The following NCAPD2 variants were observed in gnomAD, a reference collection of about 807,000 sequenced individuals.
The protein encoded by NCAPD2 is non-SMC condensin I complex subunit D2, also known as condensin complex subunit 1.
NCAPD2 carries 100 observed loss-of-function variants against 164.5 expected under a neutral mutation model. The ratio of observed to expected loss-of-function variants is 0.61; its 90% CI spans 0.52 to 0.72. The LOEUF is 0.72. NCAPD2 is among the 30% of genes least tolerant of loss of function. The probability of loss-of-function intolerance (pLI) is 0.00; values close to 1 mark genes in which losing one functional copy is unlikely to be tolerated. For synonymous variants in NCAPD2, 585 were observed against 642.6 expected (o/e 0.91, Z 1.36); for missense variants, 1,560 against 1,749.2 (o/e 0.89, Z 1.93).
Position 6,514,365 on chromosome 12 carries a change from G to A in NCAPD2, c.688G>A (p.Ala230Thr). Residue 230 changes from alanine (A) to threonine (T), a missense_variant, in exon 7 of 32, where the codon GCC becomes ACC. Transcript: ENST00000315579. ...AGCCATAACACACCTGCTTGGTGTA[G>A]CCTTGACCCGTTATAACCATATGCT... ...REAITHLLGV[A>T]LTRYNHMLSA... is the part of the protein sequence containing the mutation. 6.2e-7 allele frequency: 1 copy of A among 1,614,190 alleles called. No homozygotes were observed. Among genetic ancestry groups the A allele is most frequent in the Non-Finnish European group, 8.5e-7 (1 of 1,180,034 alleles).
intron 2 of NCAPD2, among the ~76,000 whole-genome samples, chr12:6,504,216 T>TATATATACACAC (rs1406807438): frequency 2.2e-4 from 5 of 23,220 alleles, no homozygotes; most frequent in Non-Finnish European, 3.9e-4. Flanking sequence ...TATATATATA[T>TATATATACACAC]AGATATAGAT....
rs773677382 is a variant in NCAPD2 at position 6,529,596 on chromosome 12, A to G, written c.3653+3A>G. 4.3e-6 allele frequency: 7 copies of G among 1,614,030 alleles called. No individual in the cohort carries two copies. The highest frequency in any genetic ancestry group is 2.2e-5 in the East Asian group (1 of 44,900). On this transcript the variant is annotated splice_donor_region_variant and intron_variant, in intron 28 of 31. Transcript: ENST00000315579. ...TGTCAGCGGTTCCGCACATCCCGGT[A>G]TGCTGCCCTCCCTGAGGGTTCTTTG...
chr12:6,524,648 C>CAAAAAAA (rs35443041), intron 17 of NCAPD2, among the ~76,000 whole-genome samples: 1 of 66,580 alleles, frequency 1.5e-5, no homozygotes. Context: ...GACTCTGTCT[C>CAAAAAAA]AAAAAAAAAA....
intron 2 of NCAPD2, among the ~76,000 whole-genome samples, chr12:6,509,074 CTT>C (rs57728406): frequency 0.011 from 1,592 of 143,818 alleles, 29 homozygotes; most frequent in African/African-American, 0.037. Context: ...ATAGGATAAA[CTT>C]TTTTTTTTTT....
rs577139305 is a variant in NCAPD2 at position 6,522,878 on chromosome 12, C to T, written c.2005C>T (p.Pro669Ser). 8.1e-6 allele frequency: 13 copies of T among 1,614,076 alleles called. No homozygotes were observed. The highest frequency in any genetic ancestry group is 6.6e-5 in the South Asian group (6 of 91,076). ...FFVMVFQFGVPQALFGVRRML... is the reference protein window; with the variant it reads ...FFVMVFQFGVSQALFGVRRML... Reference sequence around the variant, plus strand: ...TGTGATGGTCTTCCAATTTGGGGTACCCCAGGCCCTGTTTGGGGTGCGCCG... The same window carrying T: ...TGTGATGGTCTTCCAATTTGGGGTATCCCAGGCCCTGTTTGGGGTGCGCCG... The change falls in exon 16 of 32, where the codon CCC becomes TCC. Residue 669 changes from proline to serine, a missense_variant. Coordinates refer to ENST00000315579, the MANE Select transcript of NCAPD2 (RefSeq NM_014865.4).
intron 9 of NCAPD2, 144 bp downstream of exon 9, chr12:6,515,064 A>G (rs1469922952): frequency 1.1e-6 from 1 of 894,662 alleles, no homozygotes; most frequent in Non-Finnish European, 1.7e-6. Flanking sequence ...GTAGAGAAGC[A>G]GGTCAAGTTT....
At chr12:6,507,466 G>A (rs1946108653) in intron 2 of NCAPD2, among the ~76,000 whole-genome samples, 1 of 152,258 alleles carries the variant, frequency 6.6e-6, no homozygotes, top group African/African-American at 2.4e-5. Flanking sequence ...GCCAGTCGCC[G>A]TGAAAGCACA....
rs1442907794 is a variant in NCAPD2 at position 6,514,373 on chromosome 12, C to T, written c.696C>T (p.Thr232=). 6.2e-7 allele frequency: 1 copy of T among 1,614,166 alleles called. No individual in the cohort carries two copies. The highest frequency in any genetic ancestry group is 1.1e-5 in the South Asian group (1 of 91,082). Residue 232 remains threonine, a synonymous_variant, in exon 7 of 32, where the codon ACC becomes ACT. Coordinates refer to ENST00000315579, the MANE Select transcript of NCAPD2 (RefSeq NM_014865.4). ...AITHLLGVAL[T]RYNHMLSATV... is the part of the protein sequence containing the mutation. ...CACACCTGCTTGGTGTAGCCTTGAC[C>T]CGTTATAACCATATGCTCAGTAAGT...
chr12:6,513,715 C>CTTTTTTTTTGTTTTTTTTTTTTTTTTT (rs1946172182), intron 6 of NCAPD2, among the ~76,000 whole-genome samples: 3 of 74,890 alleles, frequency 4.0e-5, no homozygotes, highest in Admixed American at 1.6e-4. Flanking sequence ...GTGACTTTGT[C>CTTTTTTTTTGTTTTTTTTTTTTTTTTT]TTTTTTTTTT....
chr12:6,499,638 C>T (rs1055541763), intron 2 of NCAPD2, among the ~76,000 whole-genome samples: 1 of 152,068 alleles, frequency 6.6e-6, no homozygotes, highest in African/African-American at 2.4e-5. Flanking sequence ...GTGATCTGCC[C>T]AACTTGGCCT....
chr12:6,508,372 A>G (rs1312213379), intron 2 of NCAPD2, among the ~76,000 whole-genome samples: 1 of 152,196 alleles, frequency 6.6e-6, no homozygotes, highest in Non-Finnish European at 1.5e-5. Flanking sequence ...TTCAAAGGAC[A>G]CAGGCCAAGT....
rs1270173710 is a variant in NCAPD2 at position 6,510,824 on chromosome 12, T to C, written c.444+14T>C. On this transcript the variant is annotated intron_variant, in intron 5 of 31. Coordinates refer to ENST00000315579, the MANE Select transcript of NCAPD2 (RefSeq NM_014865.4). ...CTTGGTGGGAAGGTAATTTGGAGTT[T>C]TGGGCTCACGTTATATGGGGTCTGG... 1.9e-6 allele frequency: 3 copies of C among 1,613,688 alleles called. No individual in the cohort carries two copies. The highest frequency in any genetic ancestry group is 2.2e-5 in the East Asian group (1 of 44,878).
In NCAPD2 at chr12:6,527,996, A is replaced by T; in HGVS notation, c.3048A>T (p.Pro1016=). 1 of 1,614,036 alleles carries T rather than the reference A, an allele frequency of 6.2e-7. No individual in the cohort carries two copies. The highest frequency in any genetic ancestry group is 1.1e-5 in the South Asian group (1 of 91,078). The stretch of plus-strand genomic sequence containing the variant: ...AACAGACACTGGCTGCCTTTGTTCC[A>T]CTCTTGCTTAAAGTCTGTAACAACC... ...DGKQTLAAFV[P]LLLKVCNNPG... The change falls in exon 24 of 32, where the codon CCA becomes CCT. Residue 1016 remains proline (P), a synonymous_variant. Coordinates refer to ENST00000315579, the MANE Select transcript of NCAPD2 (RefSeq NM_014865.4).
chr12:6,525,302 T>C (rs1946305732), intron 17 of NCAPD2, among the ~76,000 whole-genome samples: 1 of 152,144 alleles, frequency 6.6e-6, no homozygotes, highest in Non-Finnish European at 1.5e-5. Context: ...GAAAACCTGT[T>C]AGAAATCTCC....
Position 6,526,310 on chromosome 12 carries a change from C to A in NCAPD2, c.2505C>A (p.Pro835=). 1 of 1,614,182 alleles carries A rather than the reference C, an allele frequency of 6.2e-7. No individual in the cohort carries two copies. Among genetic ancestry groups the A allele is most frequent in the Non-Finnish European group, 8.5e-7 (1 of 1,180,048 alleles). The stretch of plus-strand genomic sequence containing the variant: ...AGCCTTCTCTGGGCAAACGTCACCC[C>A]CCCTTCCGGCTGCCTCAGGAACACA... ...RRKPSLGKRH[P]PFRLPQEHRL... is the part of the protein sequence containing the mutation. The change falls in exon 20 of 32, where the codon CCC becomes CCA. Residue 835 remains proline (P), a synonymous_variant. Coordinates refer to ENST00000315579, the MANE Select transcript of NCAPD2 (RefSeq NM_014865.4).
rs1424467625 is a variant in NCAPD2 at position 6,531,328 on chromosome 12, T to A, written c.4122T>A (p.Asp1374Glu). 3.1e-6 allele frequency: 5 copies of A among 1,612,774 alleles called. No individual in the cohort carries two copies. The South Asian group carries it at 5.5e-5, about 18-fold the overall frequency. The part of the protein sequence containing the change: ...VFSSDESSEE[D>E]LSAEMTEDET... ...TTATTCCTTTAATTCTTTGCATAGA[T>A]CTTTCAGCAGAGATGACAGAAGACG... Residue 1374 changes from aspartate (D) to glutamate (E), a missense_variant and splice_region_variant, in exon 32 of 32, where the codon GAT becomes GAA. Asp to Glu is a conservative substitution (Grantham distance 45, BLOSUM62 2). Transcript: ENST00000315579. The surrounding 1 kb of genome is among the most constrained non-coding windows in gnomAD (Gnocchi z 4.1).
chr12:6,522,254 C>T (rs765429708), intron 15 of NCAPD2, among the ~76,000 whole-genome samples: 3 of 152,010 alleles, frequency 2.0e-5, no homozygotes, highest in Non-Finnish European at 2.9e-5. Context: ...GAGTTCTTTT[C>T]CATATTTTAT....
chr12:6,511,788 C>T (rs1946150411), intron 6 of NCAPD2, among the ~76,000 whole-genome samples: 1 of 145,406 alleles, frequency 6.9e-6, no homozygotes, highest in African/African-American at 2.6e-5. Context: ...TCAAGACCGG[C>T]CTGGCCAACA....
chr12:6,522,845 GA>G lies in NCAPD2; in HGVS notation c.1974del (p.Glu658AspfsTer4). The G allele has an allele frequency of 6.2e-7, 1 of 1,614,112 alleles. No individual in the cohort carries two copies. Among genetic ancestry groups the G allele is most frequent in the Non-Finnish European group, 8.5e-7 (1 of 1,179,996 alleles). ...NTTTVVQEVI[E>X]FFVMVFQFGV... Reference sequence around the variant, plus strand: ...TCTCTCAGTGGTGCAGGAGGTGATTGAATTCTTTGTGATGGTCTTCCAATTT... The same window carrying G: ...TCTCTCAGTGGTGCAGGAGGTGATTGATTCTTTGTGATGGTCTTCCAATTT... On this transcript the variant is annotated frameshift_variant, in exon 16 of 32. Coordinates refer to ENST00000315579, the MANE Select transcript of NCAPD2 (RefSeq NM_014865.4). LOFTEE classifies it high-confidence loss of function.
Sources: allele counts gnomAD v4.1 joint callset (sites outside exome capture counted in the v4.1 genomes callset), GRCh38; gene constraint gnomAD v4.1.1; non-coding constraint Gnocchi (gnomAD v3.1); transcripts MANE v1.5; gene names NCBI Gene and HGNC (gene_info 2026-07-23, HGNC 2026-07-21).